The following RNF20 variants were observed in gnomAD, a reference collection of about 807,000 sequenced individuals.
The protein encoded by RNF20 is E3 ubiquitin-protein ligase BRE1A.
Under a neutral mutation model 126.2 loss-of-function variants are expected in RNF20, and 84 were observed. That is an observed-to-expected ratio of 0.67 (90% CI 0.56 to 0.80). RNF20 has a LOEUF of 0.80. Among genes scored for constraint, RNF20 ranks in the 30% least tolerant of loss-of-function variants. The pLI, the probability that RNF20 is intolerant of heterozygous loss-of-function variation, is 0.00. For missense variants in RNF20, 869 were observed against 1,188.2 expected (o/e 0.73, Z 3.95); for synonymous variants, 400 against 414.3 (o/e 0.97, Z 0.42).
At chr9:101,560,472 T>C (rs1443742924) in intron 16 of RNF20, among the ~76,000 whole-genome samples, 1 of 152,222 alleles carries the variant, frequency 6.6e-6, no homozygotes, top group East Asian at 1.9e-4. Context: ...GAAATACTCT[T>C]GGACTTTTGT....
intron 16 of RNF20, among the ~76,000 whole-genome samples, chr9:101,557,817 GA>G (rs1827559513): frequency 6.6e-6 from 1 of 152,054 alleles, no homozygotes; most frequent in Non-Finnish European, 1.5e-5. Flanking sequence ...TGCTAATATG[GA>G]AACATGTCTG....
chr9:101,535,591 T>C (rs1827170467), intron 2 of RNF20, 39 bp downstream of exon 2: 8 of 1,581,590 alleles, frequency 5.1e-6, no homozygotes, highest in Non-Finnish European at 6.9e-6. Flanking sequence ...GCTTGTCTTC[T>C]GTCAGTTGCA....
At chr9:101,554,867 T>A in intron 15 of RNF20, 24 bp downstream of exon 15, 1 of 1,383,262 alleles carries the variant, frequency 7.2e-7, no homozygotes, top group Non-Finnish European at 9.5e-7. Flanking sequence ...CTTTATTTAA[T>A]TGACTTTTTG....
Position 101,561,209 on chromosome 9 carries a change from G to A in RNF20, c.2628G>A (p.Met876Ile), listed in dbSNP as rs1827623992. Residue 876 changes from methionine (M) to isoleucine (I), a missense_variant, in exon 18 of 20, where the codon ATG becomes ATA. Met to Ile is a conservative substitution (Grantham distance 10). Around this residue, in one of 8 missense-constraint regions of RNF20, gnomAD observed 150 missense variants for 173.7 expected, o/e 0.86. Coordinates refer to ENST00000389120, the MANE Select transcript of RNF20 (RefSeq NM_019592.7). ...ACAGTGTTACCAAAGAAAAGGACAT[G>A]TTCAATTTCAAACGAGCCCAGGTAA... ...VENSVTKEKD[M>I]FNFKRAQEDI... The A allele has an allele frequency of 1.9e-6, 3 of 1,613,690 alleles. No individual in the cohort carries two copies. Among genetic ancestry groups the A allele is most frequent in the Non-Finnish European group, 1.7e-6 (2 of 1,179,716 alleles).
intron 15 of RNF20, among the ~76,000 whole-genome samples, chr9:101,556,005 G>A (rs112577335): frequency 0.019 from 2,803 of 146,406 alleles, 80 homozygotes; most frequent in African/African-American, 0.064. Flanking sequence ...TCTGGTAAAT[G>A]CCACTTTTTT....
At chr9:101,554,352 T>A (rs1236733937) in intron 14 of RNF20, among the ~76,000 whole-genome samples, 1 of 152,212 alleles carries the variant, frequency 6.6e-6, no homozygotes, top group Admixed American at 6.5e-5. Context: ...GTTTTTCCTA[T>A]GTAATTCATT....
chr9:101,551,953 T>A, intron 11 of RNF20, 134 bp downstream of exon 11: 1 of 1,289,806 alleles, frequency 7.8e-7, no homozygotes, highest in South Asian at 1.5e-5. Flanking sequence ...TAATTCATTT[T>A]GGTTCACAGC....
intron 7 of RNF20, 37 bp from the exon 8 acceptor site, chr9:101,547,100 A>T: frequency 6.2e-7 from 1 of 1,608,812 alleles, no homozygotes. Flanking sequence ...TGAAATCTTA[A>T]GAGTCTCTCA....
chr9:101,545,264 A>T (rs186692289), intron 6 of RNF20, among the ~76,000 whole-genome samples: 8 of 152,318 alleles, frequency 5.3e-5, no homozygotes, highest in African/African-American at 1.9e-4. Context: ...TAAAGTGATG[A>T]TAGGCCTTAA....
rs746790218 is a variant in RNF20 at position 101,561,220 on chromosome 9, A to G, written c.2639A>G (p.Lys880Arg). 5.6e-6 allele frequency: 9 copies of G among 1,613,598 alleles called. No homozygotes were observed. Among genetic ancestry groups the G allele is most frequent in the Middle Eastern group, 1.6e-4 (1 of 6,076 alleles). The change falls in exon 18 of 20, where the codon AAA (lysine) becomes AGA (arginine). Residue 880 changes from lysine to arginine, a missense_variant. Coordinates refer to ENST00000389120, the MANE Select transcript of RNF20 (RefSeq NM_019592.7). Reference sequence around the variant, plus strand: ...AAAGAAAAGGACATGTTCAATTTCAAACGAGCCCAGGTAAAAGCAGTTGTC... The same window carrying G: ...AAAGAAAAGGACATGTTCAATTTCAGACGAGCCCAGGTAAAAGCAGTTGTC... ...VTKEKDMFNF[K>R]RAQEDISRLR... is the part of the protein sequence containing the mutation.
At chr9:101,543,343 TCCAGGGCGGCACTGTCTAACCCTG>T (rs1827287417) in intron 5 of RNF20, among the ~76,000 whole-genome samples, 3 of 122,906 alleles carry the variant, frequency 2.4e-5, no homozygotes, top group Admixed American at 8.3e-5. Context: ...GTCTAACCCT[TCCAGGGCGGCACTGTCTAACCCTG>T]CCAGGGCGGC....
At chr9:101,542,973 CT>C (rs1225498829) in intron 5 of RNF20, among the ~76,000 whole-genome samples, 4 of 152,218 alleles carry the variant, frequency 2.6e-5, no homozygotes, top group Admixed American at 2.0e-4. Flanking sequence ...GTTCATCCCC[CT>C]GACTTAGACT....
At chr9:101,557,116 C>T (rs559026548) in intron 15 of RNF20, among the ~76,000 whole-genome samples, 283 of 152,254 alleles carry the variant, frequency 1.9e-3, no homozygotes, top group African/African-American at 6.2e-3. Context: ...CTGCTTGATC[C>T]GTTTGTCTAG....
chr9:101,560,536 A>G (rs1374932492), intron 16 of RNF20: 1 of 278,420 alleles, frequency 3.6e-6, no homozygotes, highest in Non-Finnish European at 6.8e-6. Context: ...AAGCATTAGC[A>G]TGCATTCTCT....
chr9:101,561,316 A>G (rs746602034), intron 18 of RNF20, 86 bp downstream of exon 18: 10 of 1,351,008 alleles, frequency 7.4e-6, no homozygotes, highest in African/African-American at 1.5e-5. Flanking sequence ...CATTAGTCCA[A>G]TGTATGTCAT....
In RNF20 at chr9:101,550,744, G is replaced by A; in HGVS notation, c.1231G>A (p.Gly411Ser). The A allele has an allele frequency of 6.2e-7, 1 of 1,614,174 alleles. No individual in the cohort carries two copies. The highest frequency in any genetic ancestry group is 8.5e-7 in the Non-Finnish European group (1 of 1,180,018). Residue 411 changes from glycine (G) to serine (S), a missense_variant, in exon 10 of 20, where the codon GGC (glycine) becomes AGC (serine). Transcript: ENST00000389120. The part of the protein sequence containing the change: ...HLDEARTLLH[G>S]TRGTHQHQVE... ...GGATGAGGCTCGGACCCTGCTTCAT[G>A]GCACCAGAGGAACCCACCAGCACCA...
At chr9:101,541,056 C>A in intron 5 of RNF20, 81 bp downstream of exon 5, 1 of 1,042,762 alleles carries the variant, frequency 9.6e-7, no homozygotes, top group South Asian at 2.2e-5. Context: ...AGTTTGCAAG[C>A]TTACATATTT....
At chr9:101,549,507 G>A (rs980882423) in intron 9 of RNF20, among the ~76,000 whole-genome samples, 1 of 152,124 alleles carries the variant, frequency 6.6e-6, no homozygotes, top group Non-Finnish European at 1.5e-5. Context: ...GGATAACGGC[G>A]GACGAGCCTG....
rs370109051 is a variant in RNF20, at chr9:101,562,446, G to A, written c.*24G>A. Reference sequence around the variant, plus strand: ...GATCTAAGTCAAGAGAAGAAGAGGAGCTGGCTAGTCAGGAACTTATTCATT... The same window carrying A: ...GATCTAAGTCAAGAGAAGAAGAGGAACTGGCTAGTCAGGAACTTATTCATT... On this transcript the variant is annotated 3_prime_UTR_variant, in exon 20 of 20. Coordinates refer to ENST00000389120, the MANE Select transcript of RNF20 (RefSeq NM_019592.7). The A allele has an allele frequency of 2.5e-6, 4 of 1,596,788 alleles. No individual in the cohort carries two copies. The Admixed American group carries it at 5.2e-5, about 21-fold the overall frequency.
Sources: allele counts gnomAD v4.1 joint callset (sites outside exome capture counted in the v4.1 genomes callset), GRCh38; gene constraint gnomAD v4.1.1; regional missense constraint gnomAD v4.1.1; transcripts MANE v1.5; gene names NCBI Gene and HGNC (gene_info 2026-07-23, HGNC 2026-07-21).